POLB: variants seen among roughly 807,000 people sequenced by gnomAD.
The protein encoded by POLB is 5'-dRP lyase.
In POLB, 37 loss-of-function variants were observed where a neutral mutation model predicts 52.7. The observed-to-expected ratio is 0.70, with a 90% CI of 0.54 to 0.92. The LOEUF (loss-of-function observed/expected upper bound fraction) is 0.92. Among genes scored for constraint, POLB ranks in the 40% least tolerant of loss-of-function variants. The pLI, the probability that POLB is intolerant of heterozygous loss-of-function variation, is 0.00. For missense variants in POLB, 313 were observed against 400.8 expected (o/e 0.78, Z 1.87); for synonymous variants, 138 against 131.3 (o/e 1.05, Z -0.35).
At position 42,355,565 on chromosome 8, in the gene POLB, GAAGT is replaced by G; in HGVS notation, c.422+2_422+5del. 2 of 1,585,762 alleles carry G rather than the reference GAAGT, an allele frequency of 1.3e-6. No homozygotes were observed. The highest frequency in any genetic ancestry group is 1.7e-6 in the Non-Finnish European group (2 of 1,155,092). ...TGAACCATCATCAGCGAATTGGGCT[GAAGT>G]AAGATGGCAGATTTTCTTTTGACAC... On this transcript the variant is annotated splice_donor_variant and coding_sequence_variant, in exon 7 of 14. Coordinates refer to ENST00000265421, the MANE Select transcript of POLB (RefSeq NM_002690.3). LOFTEE classifies it high-confidence loss of function.
chr8:42,339,782 G>A (rs1285529491), intron 2 of POLB: 1 of 150,454 alleles, frequency 6.6e-6, no homozygotes, highest in Non-Finnish European at 1.5e-5. Context: ...TGTTGCCCAG[G>A]CTGATCTCCA....
chr8:42,363,725 CAAAG>C (rs1432337707), intron 11 of POLB, among the ~76,000 whole-genome samples: 2 of 151,616 alleles, frequency 1.3e-5, no homozygotes, highest in African/African-American at 4.9e-5. Flanking sequence ...ATTTCAACAC[CAAAG>C]AAAGAAAAGT....
chr8:42,370,842 G>A (rs904411843), intron 13 of POLB, among the ~76,000 whole-genome samples: 1 of 152,186 alleles, frequency 6.6e-6, no homozygotes, highest in African/African-American at 2.4e-5. Flanking sequence ...GACAGTTTAC[G>A]AATTTGTGTT....
At chr8:42,356,494 T>C (rs972076385) in intron 7 of POLB, among the ~76,000 whole-genome samples, 1 of 152,224 alleles carries the variant, frequency 6.6e-6, no homozygotes, top group Non-Finnish European at 1.5e-5. Flanking sequence ...TTTTAGTATA[T>C]TCACAGAGTT....
intron 11 of POLB, among the ~76,000 whole-genome samples, chr8:42,366,556 G>A (rs1336640670): frequency 1.3e-5 from 2 of 152,182 alleles, no homozygotes; most frequent in South Asian, 2.1e-4. Context: ...AAAAAATACC[G>A]TAGTTGAGCA....
At chr8:42,370,284 T>G (rs982476332) in intron 13 of POLB, 2 of 407,200 alleles carry the variant, frequency 4.9e-6, no homozygotes, top group South Asian at 2.0e-5. Context: ...TTTTTTTTTT[T>G]GCTGTTGTTT....
chr8:42,360,701 G>C (rs1207304469), intron 9 of POLB, among the ~76,000 whole-genome samples: 1 of 151,690 alleles, frequency 6.6e-6, no homozygotes, highest in Non-Finnish European at 1.5e-5. Context: ...GTAGAGTATA[G>C]ACCTATTAAT....
intron 11 of POLB, among the ~76,000 whole-genome samples, chr8:42,364,428 C>T (rs2130848221): frequency 6.6e-6 from 1 of 152,192 alleles, no homozygotes; most frequent in African/African-American, 2.4e-5. Flanking sequence ...GGGGTTTCAC[C>T]ATGTTGCTCA....
chr8:42,349,016 C>T lies in POLB; in HGVS notation c.187C>T (p.Pro63Ser). The T allele has an allele frequency of 6.4e-7, 1 of 1,570,710 alleles. No individual in the cohort carries two copies. The highest frequency in any genetic ancestry group is 2.3e-5 in the East Asian group (1 of 44,380). The change falls in exon 4 of 14, where the codon CCT (proline) becomes TCT (serine). Residue 63 changes from proline (P) to serine (S), a missense_variant and splice_region_variant. Transcript: ENST00000265421. Reference protein sequence around the residue: ...IKSGAEAKKLPGVGTKIAEKI... With the variant: ...IKSGAEAKKLSGVGTKIAEKI... Reference sequence around the variant, plus strand: ...TTTATATTTCTAATTTTCCATGTAGCCTGGAGTAGGAACAAAAATTGCTGA... The same window carrying T: ...TTTATATTTCTAATTTTCCATGTAGTCTGGAGTAGGAACAAAAATTGCTGA...
rs776801874 is a variant in POLB at position 42,349,988 on chromosome 8, A to G, written c.262-19A>G. ...CAAAGCATTCCTAAATCATTGTTAGACTTTTTTTTTTCTTAAAGATTCGGC... is the reference window on the plus strand; with the variant it reads ...CAAAGCATTCCTAAATCATTGTTAGGCTTTTTTTTTTCTTAAAGATTCGGC... On this transcript the variant is annotated intron_variant, in intron 4 of 13. Coordinates refer to ENST00000265421, the MANE Select transcript of POLB (RefSeq NM_002690.3). 6.5e-7 allele frequency: 1 copy of G among 1,538,040 alleles called. No homozygotes were observed. The highest frequency in any genetic ancestry group is 1.7e-5 in the Admixed American group (1 of 59,868).
At position 42,362,628 on chromosome 8, in the gene POLB, A is replaced by G. The variant is rs779771405; in HGVS notation, c.638A>G (p.Gln213Arg). 6.2e-7 allele frequency: 1 copy of G among 1,606,688 alleles called. No individual in the cohort carries two copies. The highest frequency in any genetic ancestry group is 1.1e-5 in the South Asian group (1 of 90,804). The change falls in exon 11 of 14, where the codon CAG (glutamine) becomes CGG (arginine). Residue 213 changes from glutamine (Q) to arginine (R), a missense_variant. Gln to Arg is a conservative substitution (Grantham distance 43, BLOSUM62 1). This residue lies in a region of POLB where 246 missense variants were observed against 297.6 expected (regional missense o/e 0.83). Transcript: ENST00000265421. ...ESTKQPKLLH[Q>R]VVEQLQKVHF... The stretch of plus-strand genomic sequence containing the variant: ...ATTCTACAGCCAAAACTGTTACATC[A>G]GGTTGTGGAGCAGTTACAAAAGGTT...
chr8:42,357,263 A>G, intron 8 of POLB, 40 bp downstream of exon 8: 2 of 1,430,396 alleles, frequency 1.4e-6, no homozygotes, highest in Non-Finnish European at 2.0e-6. Flanking sequence ...TAGAATTGAG[A>G]GTGTCACTTG....
chr8:42,361,310 G>A lies in POLB; in HGVS notation c.566G>A (p.Gly189Asp), dbSNP rs1331779238. 2 of 1,611,302 alleles carry A rather than the reference G, an allele frequency of 1.2e-6. No individual in the cohort carries two copies. The highest frequency in any genetic ancestry group is 1.7e-6 in the Non-Finnish European group (2 of 1,177,556). ...GSFRRGAESSGDMDVLLTHPS... is the reference protein window; with the variant it reads ...GSFRRGAESSDDMDVLLTHPS... ...GTCATCACAGGTGCAGAGTCCAGTGGTGACATGGATGTTCTCCTGACCCAT... is the reference window on the plus strand; with the variant it reads ...GTCATCACAGGTGCAGAGTCCAGTGATGACATGGATGTTCTCCTGACCCAT... Residue 189 changes from glycine (G) to aspartate (D), a missense_variant, in exon 10 of 14, where the codon GGT becomes GAT. By Grantham distance (94) the Gly-to-Asp change is moderately conservative. Around this residue, in one of 3 missense-constraint regions of POLB, gnomAD observed 246 missense variants for 297.6 expected, o/e 0.83. Transcript: ENST00000265421.
intron 2 of POLB, among the ~76,000 whole-genome samples, chr8:42,343,341 AAAAAATAT>A (rs1413368384): frequency 1.0e-4 from 4 of 38,798 alleles, no homozygotes; most frequent in African/African-American, 1.7e-4. Context: ...AAAAAAAAAA[AAAAAATAT>A]ATATATATAT....
chr8:42,345,074 G>T lies in POLB; in HGVS notation c.186+55G>T, dbSNP rs1287688551. The stretch of plus-strand genomic sequence containing the variant: ...GTTCACACGTGTCCAAATTTGGTGG[G>T]TTCCCACCAAACCAAACTTGCCTGT... On this transcript the variant is annotated intron_variant, in intron 3 of 13. Transcript: ENST00000265421. 4 of 1,229,910 alleles carry T rather than the reference G, an allele frequency of 3.3e-6. No individual in the cohort carries two copies. In the African/African-American group the frequency reaches 6.0e-5, roughly 18 times the overall value. The allele number at this position is 1,229,910 out of a possible 1,614,324, so 76.2% of individuals were successfully genotyped here. A position where few individuals can be genotyped will look rare whatever the true frequency, so the allele number is the denominator to read the frequency against.
chr8:42,356,082 G>C (rs1011464926), intron 7 of POLB, among the ~76,000 whole-genome samples: 15 of 152,212 alleles, frequency 9.9e-5, no homozygotes, highest in Non-Finnish European at 1.9e-4. Context: ...TTGTGTGCCA[G>C]ATATAGTCTG....
intron 2 of POLB, 86 bp downstream of exon 2, chr8:42,339,155 A>G: frequency 9.8e-7 from 1 of 1,022,478 alleles, no homozygotes; most frequent in South Asian, 1.3e-5. Context: ...GGCCCAGTGG[A>G]TATTTGGTCC....
At chr8:42,363,119 G>A (rs1248758037) in intron 11 of POLB, among the ~76,000 whole-genome samples, 3 of 145,272 alleles carry the variant, frequency 2.1e-5, no homozygotes, top group Admixed American at 6.8e-5. Flanking sequence ...GAGAAACTCC[G>A]CCAAAAAAAA....
intron 7 of POLB, 69 bp downstream of exon 7, chr8:42,355,636 C>T (rs1055940962): frequency 1.9e-5 from 17 of 904,570 alleles, no homozygotes; most frequent in Non-Finnish European, 3.1e-5. Flanking sequence ...TTCTTTTATA[C>T]ACCAGAAGGA....
Sources: allele counts gnomAD v4.1 joint callset (sites outside exome capture counted in the v4.1 genomes callset), GRCh38; gene constraint gnomAD v4.1.1; regional missense constraint gnomAD v4.1.1; transcripts MANE v1.5; gene names NCBI Gene and HGNC (gene_info 2026-07-23, HGNC 2026-07-21).